KAZN: variants seen among roughly 807,000 people sequenced by gnomAD.
KAZN encodes kazrin, periplakin interacting protein.
Under a neutral mutation model 87.4 loss-of-function variants are expected in KAZN, and 40 were observed. The ratio of observed to expected loss-of-function variants is 0.46; its 90% CI spans 0.36 to 0.60. The LOEUF (loss-of-function observed/expected upper bound fraction) is 0.60. Among genes scored for constraint, KAZN ranks in the 20% least tolerant of loss-of-function variants. The probability of loss-of-function intolerance (pLI) is 0.00; values close to 1 mark genes in which losing one functional copy is unlikely to be tolerated. For synonymous variants in KAZN, 466 were observed against 458.3 expected, an observed-to-expected ratio of 1.02 and a Z score of -0.22; for missense variants, 898 against 1,073.9, an observed-to-expected ratio of 0.84 and a Z score of 2.29.
At chr1:14,163,718 G>A (rs144675732) in intron 1 of KAZN, among the ~76,000 whole-genome samples, 3 of 152,304 alleles carry the variant, frequency 2.0e-5, no homozygotes, top group Non-Finnish European at 4.4e-5. Context: ...ATGGTTGCCT[G>A]ACATTCCTGC....
chr1:14,896,625 G>A (rs1655308438), intron 1 of KAZN, among the ~76,000 whole-genome samples: 1 of 152,128 alleles, frequency 6.6e-6, no homozygotes, highest in Admixed American at 6.6e-5. Flanking sequence ...GGCTGTATCA[G>A]GCAAATCCAG....
At chr1:14,590,215 G>A (rs72863642) in intron 2 of KAZN, among the ~76,000 whole-genome samples, 1,849 of 152,212 alleles carry the variant, frequency 0.012, 43 homozygotes, top group African/African-American at 0.042. Context: ...TGTGTTAAGT[G>A]TTTCAAATCA....
In KAZN at chr1:14,187,965, TG is replaced by T. The variant is rs375744258; in HGVS notation, c.249+7378del. On this transcript the variant is annotated intron_variant, in intron 2 of 16. Coordinates refer to the KAZN transcript ENST00000636203. The stretch of plus-strand genomic sequence containing the variant: ...ATGTGCCAGGGATGTTGCCAGCCTA[TG>T]GGGGAAACACCGGTGAAGATGAAAG... 5.2e-4 allele frequency among the ~76,000 whole-genome samples: 79 copies of T among 152,262 alleles called. No homozygotes were observed. The South Asian group carries it at 0.011, about 21-fold the overall frequency.
At chr1:14,383,112 G>A (rs1028761852) in intron 2 of KAZN, among the ~76,000 whole-genome samples, 2 of 152,070 alleles carry the variant, frequency 1.3e-5, no homozygotes, top group South Asian at 4.1e-4. Context: ...CTGCATAAAT[G>A]TCTTCTTTTG....
At chr1:14,886,773 A>G (rs1654114909) in intron 1 of KAZN, among the ~76,000 whole-genome samples, 1 of 152,208 alleles carries the variant, frequency 6.6e-6, no homozygotes, top group Non-Finnish European at 1.5e-5. Context: ...CCTGGGCAAC[A>G]AGAGCAAAAC....
chr1:14,405,606 ATGTGTGTG>A (rs111850452), intron 2 of KAZN, among the ~76,000 whole-genome samples: 1,646 of 136,320 alleles, frequency 0.012, 24 homozygotes, highest in African/African-American at 0.034. Flanking sequence ...ACCCAATAAA[ATGTGTGTG>A]TGTGTGTGTG....
intron 13 of KAZN, among the ~76,000 whole-genome samples, chr1:15,107,018 A>G (rs1429242962): frequency 4.6e-5 from 7 of 152,234 alleles, no homozygotes; most frequent in African/African-American, 9.6e-5. Flanking sequence ...TCACTAAAAC[A>G]GAGTCAGGGA....
intron 1 of KAZN, among the ~76,000 whole-genome samples, chr1:13,905,881 G>T (rs142837612): frequency 2.0e-5 from 3 of 152,014 alleles, no homozygotes; most frequent in Non-Finnish European, 2.9e-5. Context: ...TCATTGTTCC[G>T]CAGGCCAGAA....
intron 2 of KAZN, among the ~76,000 whole-genome samples, chr1:14,562,894 C>T (rs1235634214): frequency 2.0e-5 from 3 of 152,212 alleles, no homozygotes; most frequent in Admixed American, 1.3e-4. Context: ...GCCAAATACT[C>T]GATTGCATAG....
intron 1 of KAZN, among the ~76,000 whole-genome samples, chr1:14,749,018 GCTCTGA>G (rs963230321): frequency 2.0e-5 from 3 of 152,210 alleles, no homozygotes; most frequent in Admixed American, 6.5e-5. Flanking sequence ...TCTAGTCTCT[GCTCTGA>G]CTCTAATTTG....
At chr1:14,376,166 A>ATC (rs1177341003) in intron 2 of KAZN, among the ~76,000 whole-genome samples, 1 of 152,178 alleles carries the variant, frequency 6.6e-6, no homozygotes, top group Non-Finnish European at 1.5e-5. Flanking sequence ...TACCATCTCA[A>ATC]TCATCATCGA....
chr1:14,889,747 T>C (rs1654495822), intron 1 of KAZN, among the ~76,000 whole-genome samples: 1 of 152,228 alleles, frequency 6.6e-6, no homozygotes, highest in African/African-American at 2.4e-5. Context: ...AGAAGAATGT[T>C]TCACGATGTG....
At chr1:14,595,594 T>A (rs1320760135), upstream of KAZN, among the ~76,000 whole-genome samples, 1 of 141,558 alleles carries the variant, frequency 7.1e-6, no homozygotes, top group Admixed American at 7.4e-5. Context: ...AGGCAGACAA[T>A]CCCTTGAACC....
Position 14,841,852 on chromosome 1 carries a change from C to T in KAZN, c.227-118832C>T, listed in dbSNP as rs572049622. ...GATTATCTATCTCATTTCATCTTTT[C>T]TACTCATCTCTGTTCATCCTGTTCT... On this transcript the variant is annotated intron_variant, in intron 1 of 14. Coordinates refer to ENST00000376030, the MANE Select transcript of KAZN (RefSeq NM_201628.3). Among the ~76,000 whole-genome samples the T allele has an allele frequency of 2.6e-4, 39 of 152,278 alleles. 1 individual carries two copies. The highest frequency in any genetic ancestry group is 4.4e-5 in the Non-Finnish European group (3 of 68,026).
chr1:14,847,978 TCAAAAA>T (rs529670829), intron 1 of KAZN, among the ~76,000 whole-genome samples: 178 of 152,250 alleles, frequency 1.2e-3, no homozygotes, highest in African/African-American at 4.1e-3. Context: ...AGATTCTGTC[TCAAAAA>T]CAAAAACAAA....
At chr1:14,893,707 A>G (rs923618033) in intron 1 of KAZN, among the ~76,000 whole-genome samples, 1 of 152,164 alleles carries the variant, frequency 6.6e-6, no homozygotes, top group Non-Finnish European at 1.5e-5. Context: ...GAAAGCCACA[A>G]AGGGTCAGAG....
At chr1:14,781,172 A>G (rs1221322129) in intron 1 of KAZN, among the ~76,000 whole-genome samples, 1 of 152,184 alleles carries the variant, frequency 6.6e-6, no homozygotes, top group Non-Finnish European at 1.5e-5. Context: ...AATACAAAAA[A>G]TTAGCCGGGC....
rs1176120257 is a variant in KAZN at position 14,778,402 on chromosome 1, A to C, written c.226+179179A>C. 5.3e-5 allele frequency among the ~76,000 whole-genome samples: 8 copies of C among 152,068 alleles called. 1 individual carries two copies. The highest frequency in any genetic ancestry group is 1.7e-4 in the African/African-American group (7 of 41,526). ...TCTGTTTAACCCTTAAGAAAAAAAA[A>C]AAAAAAAAAAACCCACATCCAATGG... On this transcript the variant is annotated intron_variant, in intron 1 of 14. Coordinates refer to ENST00000376030, the MANE Select transcript of KAZN (RefSeq NM_201628.3).
intron 2 of KAZN, among the ~76,000 whole-genome samples, chr1:14,982,083 T>A (rs1399425068): frequency 6.6e-6 from 1 of 152,172 alleles, no homozygotes; most frequent in Non-Finnish European, 1.5e-5. Flanking sequence ...TCCCATTTGA[T>A]CCTCACAGCA....
Sources: allele counts gnomAD v4.1 joint callset (sites outside exome capture counted in the v4.1 genomes callset), GRCh38; gene constraint gnomAD v4.1.1; transcripts MANE v1.5; gene names NCBI Gene and HGNC (gene_info 2026-07-23, HGNC 2026-07-21).